The following EXT1 variants were observed in gnomAD, a reference collection of about 807,000 sequenced individuals.
EXT1 encodes the protein exostosin-1.
Under a neutral mutation model 82.5 loss-of-function variants are expected in EXT1, and 20 were observed. The ratio of observed to expected loss-of-function variants is 0.24; its 90% CI spans 0.17 to 0.35. The LOEUF (loss-of-function observed/expected upper bound fraction) is 0.35. Among genes scored for constraint, EXT1 ranks in the 10% least tolerant of loss-of-function variants. The pLI, the probability that EXT1 is intolerant of heterozygous loss-of-function variation, is 1.00. For missense variants in EXT1, 757 were observed against 936.5 expected (o/e 0.81, Z 2.50); for synonymous variants, 348 against 350.8 (o/e 0.99, Z 0.09).
intron 1 of EXT1, among the ~76,000 whole-genome samples, chr8:117,857,008 A>T (rs187323401): frequency 4.6e-5 from 7 of 152,328 alleles, no homozygotes; most frequent in Admixed American, 1.3e-4. Flanking sequence ...TTAAAGCTAA[A>T]TCTACTCTGC....
At chr8:117,914,296 T>C (rs1037937163) in intron 1 of EXT1, among the ~76,000 whole-genome samples, 22 of 152,244 alleles carry the variant, frequency 1.4e-4, no homozygotes, top group Admixed American at 4.6e-4. Flanking sequence ...CTTAATCCTG[T>C]TATCTTCGTA....
intron 1 of EXT1, among the ~76,000 whole-genome samples, chr8:117,866,476 A>C (rs548801014): frequency 6.6e-6 from 1 of 152,278 alleles, no homozygotes; most frequent in East Asian, 1.9e-4. Flanking sequence ...GGTTGTTTAT[A>C]AAATGGAGCA....
Position 118,013,273 on chromosome 8 carries a change from A to G in EXT1, c.962+96812T>C, listed in dbSNP as rs145476305. Among the ~76,000 whole-genome samples the G allele has an allele frequency of 8.3e-4, 126 of 152,232 alleles. 1 individual carries two copies. The East Asian group carries it at 0.015, about 19-fold the overall frequency. ...CACCAGGCTGGAGTGCAGTGGCGCA[A>G]TCTTAGCTCACTGCAATCTTCATTT... On this transcript the variant is annotated intron_variant, in intron 1 of 10. Coordinates refer to ENST00000378204, the MANE Select transcript of EXT1 (RefSeq NM_000127.3).
intron 1 of EXT1, among the ~76,000 whole-genome samples, chr8:117,844,716 C>T (rs1166729506): frequency 1.3e-5 from 2 of 152,170 alleles, no homozygotes; most frequent in African/African-American, 4.8e-5. Context: ...CACACAGAGT[C>T]TCTGTGCACA....
intron 1 of EXT1, among the ~76,000 whole-genome samples, chr8:118,022,281 G>T (rs1586348108): frequency 6.8e-6 from 1 of 147,176 alleles, no homozygotes; most frequent in Admixed American, 6.9e-5. Context: ...GCAGGGGGAG[G>T]CAATATATTA....
In EXT1 at chr8:117,873,887, G is replaced by A. The variant is rs1289040233; in HGVS notation, c.963-36686C>T. On this transcript the variant is annotated intron_variant, in intron 1 of 10. Transcript: ENST00000378204. ...TAGATTTATTTGGTATTTCTAGTTT[G>A]TTTGTTTAAAATGCCAACAAAACAT... 7.9e-5 allele frequency among the ~76,000 whole-genome samples: 12 copies of A among 152,162 alleles called. No individual in the cohort carries two copies. In the East Asian group the frequency reaches 2.3e-3, roughly 29 times the overall value.
chr8:117,871,258 C>G (rs891556301), intron 1 of EXT1, among the ~76,000 whole-genome samples: 1 of 152,168 alleles, frequency 6.6e-6, no homozygotes, highest in Non-Finnish European at 1.5e-5. Flanking sequence ...GAGCATGGAA[C>G]CTTCTGAGCA....
rs113754508 is a variant in EXT1 at position 118,010,423 on chromosome 8, C to T, written c.962+99662G>A. On this transcript the variant is annotated intron_variant, in intron 1 of 10. Coordinates refer to ENST00000378204, the MANE Select transcript of EXT1 (RefSeq NM_000127.3). ...TTTCAAATTTTTTGGCCTACTTTCACCCCCCACCTCTATTTCACCTCTACC... is the reference window on the plus strand; with the variant it reads ...TTTCAAATTTTTTGGCCTACTTTCATCCCCCACCTCTATTTCACCTCTACC... Among the ~76,000 whole-genome samples the T allele has an allele frequency of 1.3e-3, 189 of 150,862 alleles. 1 individual carries two copies. The highest frequency in any genetic ancestry group is 4.4e-3 in the African/African-American group (179 of 40,960).
intron 1 of EXT1, among the ~76,000 whole-genome samples, chr8:118,062,372 T>C (rs1366530206): frequency 6.6e-6 from 1 of 152,142 alleles, no homozygotes; most frequent in Admixed American, 6.5e-5. Context: ...AGACACAGAC[T>C]TCCCAATGCT....
chr8:117,854,753 A>G lies in EXT1; in HGVS notation c.963-17552T>C, dbSNP rs4324942. ...TCTGTAACACTAATACTATGGTCCC[A>G]TTTCACAGCTGCACACCAAGGCTGA... On this transcript the variant is annotated intron_variant, in intron 1 of 10. Coordinates refer to ENST00000378204, the MANE Select transcript of EXT1 (RefSeq NM_000127.3). 8.6e-3 allele frequency among the ~76,000 whole-genome samples: 1,313 copies of G among 152,312 alleles called. 9 individuals are homozygous for G. Among genetic ancestry groups the G allele is most frequent in the Non-Finnish European group, 0.014 (951 of 68,022 alleles).
At chr8:117,822,380 A>G (rs1811938489) in intron 5 of EXT1, 85 bp downstream of exon 5, 2 of 1,462,024 alleles carry the variant, frequency 1.4e-6, no homozygotes, top group Admixed American at 1.7e-5. Flanking sequence ...GATGGACCCC[A>G]TTAGAGTAGA....
intron 2 of EXT1, 82 bp from the exon 3 acceptor site, chr8:117,835,633 T>C: frequency 1.9e-6 from 2 of 1,035,480 alleles, no homozygotes; most frequent in Non-Finnish European, 3.0e-6. Flanking sequence ...CAGTACAAAC[T>C]CAATGACTGG....
At chr8:117,884,589 A>C (rs746711359) in intron 1 of EXT1, among the ~76,000 whole-genome samples, 2 of 152,220 alleles carry the variant, frequency 1.3e-5, no homozygotes, top group Non-Finnish European at 2.9e-5. Context: ...TTGTATCATT[A>C]GTGTGCAACA....
intron 1 of EXT1, among the ~76,000 whole-genome samples, chr8:118,062,018 T>C (rs1395031188): frequency 1.3e-5 from 2 of 151,986 alleles, no homozygotes; most frequent in South Asian, 2.1e-4. Flanking sequence ...ACAGGAAACT[T>C]AGAGAGAGAA....
chr8:118,031,007 A>G (rs1488627338), intron 1 of EXT1, among the ~76,000 whole-genome samples: 7 of 152,094 alleles, frequency 4.6e-5, no homozygotes, highest in African/African-American at 1.7e-4. Context: ...GAGCATACAA[A>G]TTCTTGAAGG....
In EXT1 at chr8:117,880,865, A is replaced by C. The variant is rs6999192; in HGVS notation, c.963-43664T>G. Among the ~76,000 whole-genome samples the C allele has an allele frequency of 1.5e-3, 234 of 152,318 alleles. 1 individual carries two copies. Among genetic ancestry groups the C allele is most frequent in the African/African-American group, 4.9e-3 (202 of 41,562 alleles). ...CTCGGCCTCCCAAAGTGCTGGGATTACAGGTGTGAGCCACCGTGCCCGGCC... is the reference window on the plus strand; with the variant it reads ...CTCGGCCTCCCAAAGTGCTGGGATTCCAGGTGTGAGCCACCGTGCCCGGCC... On this transcript the variant is annotated intron_variant, in intron 1 of 10. Coordinates refer to ENST00000378204, the MANE Select transcript of EXT1 (RefSeq NM_000127.3).
rs542068162 is a variant in EXT1, at chr8:118,007,634, C to A, written c.962+102451G>T. Reference sequence around the variant, plus strand: ...ACTTAAAGTAAAATTAAATTAAATACAAAAGACGAAGAAGATAGGTCTAAC... The same window carrying A: ...ACTTAAAGTAAAATTAAATTAAATAAAAAAGACGAAGAAGATAGGTCTAAC... On this transcript the variant is annotated intron_variant, in intron 1 of 10. Transcript: ENST00000378204. 3.3e-5 allele frequency among the ~76,000 whole-genome samples: 5 copies of A among 152,262 alleles called. No homozygotes were observed. The East Asian group carries it at 7.7e-4, about 23-fold the overall frequency.
chr8:117,829,179 C>A (rs17474560), intron 4 of EXT1, among the ~76,000 whole-genome samples: 2,344 of 152,240 alleles, frequency 0.015, 75 homozygotes, highest in African/African-American at 0.054. Context: ...CATGCGTGTG[C>A]AGTTTCCTGA....
rs1823229271 is a variant in EXT1 at position 117,805,882 on chromosome 8, G to T, written c.1884-989C>A. 2.0e-5 allele frequency among the ~76,000 whole-genome samples: 3 copies of T among 152,124 alleles called. No individual in the cohort carries two copies. In the South Asian group the frequency reaches 6.2e-4, roughly 32 times the overall value. ...ATATATGCAAACAACTGCCAAATTT[G>T]TATCTCCACCCCTGAGCTTTTTCCA... On this transcript the variant is annotated intron_variant, in intron 9 of 10. Transcript: ENST00000378204.
Sources: allele counts gnomAD v4.1 joint callset (sites outside exome capture counted in the v4.1 genomes callset), GRCh38; gene constraint gnomAD v4.1.1; transcripts MANE v1.5; gene names NCBI Gene and HGNC (gene_info 2026-07-23, HGNC 2026-07-21).